Variants in ZNF804B observed in about 807,000 individuals in gnomAD.
ZNF804B encodes the protein zinc finger protein 804B, also known as zinc finger 804B.
ZNF804B carries 80 observed loss-of-function variants against 101.4 expected under a neutral mutation model. The observed-to-expected ratio is 0.79, with a 90% CI of 0.66 to 0.95. The LOEUF (loss-of-function observed/expected upper bound fraction) is 0.95. ZNF804B is among the 40% of genes least tolerant of loss of function. ZNF804B has a pLI of 0.00. For missense variants in ZNF804B, 1,673 were observed against 1,561.9 expected, an observed-to-expected ratio of 1.07 and a Z score of -1.20; for synonymous variants, 622 against 558.8, an observed-to-expected ratio of 1.11 and a Z score of -1.59.
At chr7:88,864,577 G>T (rs1791697832) in intron 1 of ZNF804B, among the ~76,000 whole-genome samples, 1 of 152,146 alleles carries the variant, frequency 6.6e-6, no homozygotes, top group Admixed American at 6.5e-5. Flanking sequence ...GATAGAGAGG[G>T]AATTTATCTG....
chr7:88,908,670 C>G (rs994837385), intron 1 of ZNF804B, among the ~76,000 whole-genome samples: 17 of 151,838 alleles, frequency 1.1e-4, no homozygotes, highest in Middle Eastern at 6.8e-3. Context: ...CCACATTTGA[C>G]TTTAGAGAAG....
At chr7:89,251,272 A>G (rs1208829) in intron 2 of ZNF804B, among the ~76,000 whole-genome samples, 36,303 of 152,124 alleles carry the variant, frequency 0.24, 4,569 homozygotes, top group Non-Finnish European at 0.27. Context: ...ATGTACATAA[A>G]TTAACAGCAC....
intron 1 of ZNF804B, among the ~76,000 whole-genome samples, chr7:88,877,681 T>C (rs1791973786): frequency 6.6e-6 from 1 of 152,090 alleles, no homozygotes; most frequent in Non-Finnish European, 1.5e-5. Flanking sequence ...ATAGAGTGAG[T>C]AGAAGATTAA....
chr7:89,025,523 T>G (rs1788735965), intron 1 of ZNF804B, among the ~76,000 whole-genome samples: 2 of 152,158 alleles, frequency 1.3e-5, no homozygotes, highest in African/African-American at 2.4e-5. Flanking sequence ...ACAAACTTCC[T>G]GATACTATAA....
At chr7:89,070,789 C>T (rs1789524400) in intron 1 of ZNF804B, among the ~76,000 whole-genome samples, 1 of 151,830 alleles carries the variant, frequency 6.6e-6, no homozygotes. Flanking sequence ...GATTTTTTTT[C>T]TCGAACTCAA....
chr7:88,859,856 A>C (rs1394406731), intron 1 of ZNF804B, among the ~76,000 whole-genome samples: 11 of 151,960 alleles, frequency 7.2e-5, no homozygotes, highest in Admixed American at 7.2e-4. Context: ...GCTTTTAGTC[A>C]AAAGGATAAT....
chr7:88,763,192 C>A (rs1462177494), intron 1 of ZNF804B, among the ~76,000 whole-genome samples: 1 of 151,846 alleles, frequency 6.6e-6, no homozygotes, highest in Non-Finnish European at 1.5e-5. Flanking sequence ...TCTGTAAAAT[C>A]CAAACATGCA....
intron 2 of ZNF804B, among the ~76,000 whole-genome samples, chr7:89,298,503 T>C (rs1310743440): frequency 6.6e-6 from 1 of 151,162 alleles, no homozygotes; most frequent in Non-Finnish European, 1.5e-5. Context: ...TTACGTAGTA[T>C]ATGCTATTTT....
At chr7:88,769,235 C>T (rs2115626667) in intron 1 of ZNF804B, among the ~76,000 whole-genome samples, 2 of 152,126 alleles carry the variant, frequency 1.3e-5, no homozygotes, top group East Asian at 3.9e-4. Context: ...CCCTTTTGTC[C>T]TGGTGGTAGG....
At chr7:89,077,100 G>A (rs115948460) in intron 1 of ZNF804B, among the ~76,000 whole-genome samples, 4,869 of 21,172 alleles carry the variant, frequency 0.23, 128 homozygotes, top group African/African-American at 0.46. Flanking sequence ...TTCCCTTGAT[G>A]TTGCTTTCCC....
chr7:88,961,469 C>A lies in ZNF804B; in HGVS notation c.108+201385C>A, dbSNP rs989923231. Among the ~76,000 whole-genome samples, 6 of 151,436 alleles carry A rather than the reference C, an allele frequency of 4.0e-5. No homozygotes were observed. The South Asian group carries it at 8.3e-4, about 21-fold the overall frequency. On this transcript the variant is annotated intron_variant, in intron 1 of 3. Coordinates refer to ENST00000333190, the MANE Select transcript of ZNF804B (RefSeq NM_181646.5). The stretch of plus-strand genomic sequence containing the variant: ...CAGTTTGAGGTATCCACAAAGGAAA[C>A]ATCTTTAGTATTTTTTCTGCATGAC...
At chr7:89,022,622 G>T (rs897216145) in intron 1 of ZNF804B, among the ~76,000 whole-genome samples, 2 of 152,168 alleles carry the variant, frequency 1.3e-5, no homozygotes, top group Non-Finnish European at 2.9e-5. Flanking sequence ...TCCCTAGAAA[G>T]AAGGTTTCTT....
chr7:89,213,483 C>T (rs534625094), intron 1 of ZNF804B, among the ~76,000 whole-genome samples: 157 of 152,316 alleles, frequency 1.0e-3, no homozygotes, highest in African/African-American at 3.7e-3. Context: ...CCTTTCTTTT[C>T]CATAATCAGA....
At chr7:89,096,887 C>T (rs1446030791) in intron 1 of ZNF804B, among the ~76,000 whole-genome samples, 2 of 152,176 alleles carry the variant, frequency 1.3e-5, no homozygotes, top group South Asian at 2.1e-4. Context: ...ACTGGCACTT[C>T]GGTGAGCTGT....
intron 2 of ZNF804B, among the ~76,000 whole-genome samples, chr7:89,219,926 T>C (rs535024672): frequency 1.3e-5 from 2 of 149,634 alleles, no homozygotes; most frequent in African/African-American, 4.9e-5. Flanking sequence ...TGTATATACA[T>C]ATATGTGTGC....
chr7:88,860,873 A>G (rs1329751331), intron 1 of ZNF804B, among the ~76,000 whole-genome samples: 1 of 152,156 alleles, frequency 6.6e-6, no homozygotes, highest in African/African-American at 2.4e-5. Context: ...ATAGCACCAG[A>G]ATATTGATTA....
At chr7:89,249,568 A>C (rs1789508858) in intron 2 of ZNF804B, among the ~76,000 whole-genome samples, 1 of 152,212 alleles carries the variant, frequency 6.6e-6, no homozygotes, top group Non-Finnish European at 1.5e-5. Context: ...AGAAATTAAA[A>C]AAAATTATTT....
At chr7:89,053,881 G>C (rs184668617) in intron 1 of ZNF804B, among the ~76,000 whole-genome samples, 1 of 152,164 alleles carries the variant, frequency 6.6e-6, no homozygotes, top group East Asian at 1.9e-4. Flanking sequence ...ATTGGATGTT[G>C]AATGTTGGTC....
intron 1 of ZNF804B, among the ~76,000 whole-genome samples, chr7:88,896,139 T>C (rs1210837638): frequency 6.6e-6 from 1 of 152,198 alleles, no homozygotes; most frequent in East Asian, 1.9e-4. Flanking sequence ...AGAATGATTA[T>C]CTCTCTGGTT....
Sources: allele counts gnomAD v4.1 joint callset (sites outside exome capture counted in the v4.1 genomes callset), GRCh38; gene constraint gnomAD v4.1.1; transcripts MANE v1.5; gene names NCBI Gene and HGNC (gene_info 2026-07-23, HGNC 2026-07-21).